CNTNAP5: variants seen among roughly 807,000 people sequenced by gnomAD.
The protein encoded by CNTNAP5 is contactin associated protein family member 5, also known as contactin-associated protein-like 5.
Under a neutral mutation model 150.2 loss-of-function variants are expected in CNTNAP5, and 72 were observed. The observed-to-expected ratio is 0.48, with a 90% CI of 0.40 to 0.58. CNTNAP5 has a LOEUF of 0.58. Among genes scored for constraint, CNTNAP5 ranks in the 20% least tolerant of loss-of-function variants. CNTNAP5 has a pLI of 0.00. For synonymous variants in CNTNAP5, 672 were observed against 619.8 expected, an observed-to-expected ratio of 1.08 and a Z score of -1.25; for missense variants, 1,636 against 1,626.2, an observed-to-expected ratio of 1.01 and a Z score of -0.10.
intron 13 of CNTNAP5, among the ~76,000 whole-genome samples, chr2:124,735,248 G>T (rs2105131530): frequency 6.6e-6 from 1 of 152,106 alleles, no homozygotes; most frequent in East Asian, 1.9e-4. Flanking sequence ...GATTCAAGTG[G>T]CCAGAGGCTA....
chr2:124,336,310 A>C (rs953935090), intron 3 of CNTNAP5, among the ~76,000 whole-genome samples: 2 of 152,208 alleles, frequency 1.3e-5, no homozygotes, highest in Admixed American at 1.3e-4. Context: ...AAAAGACTGG[A>C]AACTGAACAC....
At chr2:124,702,216 C>T (rs1410702119) in intron 13 of CNTNAP5, among the ~76,000 whole-genome samples, 4 of 151,826 alleles carry the variant, frequency 2.6e-5, no homozygotes, top group Non-Finnish European at 4.4e-5. Context: ...AAATGAGGAT[C>T]TTTATATGGA....
At chr2:124,907,316 G>C (rs1312547702) in intron 22 of CNTNAP5, among the ~76,000 whole-genome samples, 1 of 151,960 alleles carries the variant, frequency 6.6e-6, no homozygotes, top group Non-Finnish European at 1.5e-5. Flanking sequence ...AAATCATTAG[G>C]TGCAAGTGTA....
At chr2:124,041,932 C>T (rs1187378220) in intron 1 of CNTNAP5, among the ~76,000 whole-genome samples, 2 of 152,088 alleles carry the variant, frequency 1.3e-5, no homozygotes, top group Admixed American at 6.5e-5. Context: ...GGCCATCTCA[C>T]CTCACTGCAA....
intron 20 of CNTNAP5, among the ~76,000 whole-genome samples, chr2:124,867,703 A>T (rs1250217809): frequency 6.6e-6 from 1 of 152,094 alleles, no homozygotes; most frequent in Non-Finnish European, 1.5e-5. Flanking sequence ...TCTGCTTTTG[A>T]TCTACACTCA....
At chr2:124,500,942 CG>C (rs1558929254) in intron 7 of CNTNAP5, among the ~76,000 whole-genome samples, 1 of 152,066 alleles carries the variant, frequency 6.6e-6, no homozygotes, top group Non-Finnish European at 1.5e-5. Context: ...GAGGAGCCCA[CG>C]GTTCAACTGG....
intron 1 of CNTNAP5, among the ~76,000 whole-genome samples, chr2:124,069,330 A>C (rs1210116050): frequency 2.0e-5 from 3 of 152,126 alleles, no homozygotes; most frequent in Non-Finnish European, 4.4e-5. Flanking sequence ...AGTAGAATAG[A>C]ATACCAGGTA....
At chr2:124,193,318 C>T (rs7584334) in intron 1 of CNTNAP5, among the ~76,000 whole-genome samples, 31,021 of 152,136 alleles carry the variant, frequency 0.2, 3,350 homozygotes, top group African/African-American at 0.24. Context: ...ATAATTCAAC[C>T]CATAACCTAT....
At chr2:124,602,647 C>G (rs1018890128) in intron 11 of CNTNAP5, among the ~76,000 whole-genome samples, 1 of 152,024 alleles carries the variant, frequency 6.6e-6, no homozygotes, top group Non-Finnish European at 1.5e-5. Flanking sequence ...GCACAAGCTA[C>G]GCACCCAGCT....
intron 8 of CNTNAP5, among the ~76,000 whole-genome samples, chr2:124,516,021 G>C (rs1390655915): frequency 6.6e-6 from 1 of 152,072 alleles, no homozygotes; most frequent in Admixed American, 6.5e-5. Context: ...TGGGAAAAGA[G>C]GGGGACCACT....
intron 1 of CNTNAP5, among the ~76,000 whole-genome samples, chr2:124,214,970 G>A (rs1277365141): frequency 6.6e-6 from 1 of 152,098 alleles, no homozygotes; most frequent in East Asian, 1.9e-4. Flanking sequence ...ATCTTTTAGG[G>A]TTTCATCGTG....
intron 13 of CNTNAP5, among the ~76,000 whole-genome samples, chr2:124,735,968 C>T (rs1035318149): frequency 2.6e-5 from 4 of 152,216 alleles, no homozygotes; most frequent in East Asian, 1.9e-4. Context: ...CGGTGGCTCA[C>T]GCCTGTAATC....
intron 19 of CNTNAP5, among the ~76,000 whole-genome samples, chr2:124,828,934 T>C (rs1172541980): frequency 6.6e-6 from 1 of 151,796 alleles, no homozygotes; most frequent in Non-Finnish European, 1.5e-5. Flanking sequence ...GTTCAGTAAA[T>C]GCAAAATCAC....
At chr2:124,522,829 C>T (rs1395648871) in intron 8 of CNTNAP5, among the ~76,000 whole-genome samples, 2 of 152,188 alleles carry the variant, frequency 1.3e-5, no homozygotes, top group East Asian at 3.9e-4. Context: ...CCAAGAATTA[C>T]AAACTCTTGC....
chr2:124,501,533 T>C (rs897765638), intron 7 of CNTNAP5, among the ~76,000 whole-genome samples: 3 of 152,232 alleles, frequency 2.0e-5, no homozygotes, highest in African/African-American at 4.8e-5. Flanking sequence ...CTTTTCTAAA[T>C]GGCCGGTGGG....
At chr2:124,257,208 C>T (rs975677670) in intron 3 of CNTNAP5, among the ~76,000 whole-genome samples, 1 of 152,094 alleles carries the variant, frequency 6.6e-6, no homozygotes, top group African/African-American at 2.4e-5. Flanking sequence ...TTTGCAAATC[C>T]CCCAGTTTGT....
In CNTNAP5 at chr2:124,142,312, TC is replaced by T. The variant is rs1336415318; in HGVS notation, c.83-79391del. ...GACCTAATAGACATCTACAGAACTCTCCACCCCAAATCAACAGAATATACAT... is the reference window on the plus strand; with the variant it reads ...GACCTAATAGACATCTACAGAACTCTCACCCCAAATCAACAGAATATACAT... On this transcript the variant is annotated intron_variant, in intron 1 of 23. Transcript: ENST00000682447. 5.6e-3 allele frequency among the ~76,000 whole-genome samples: 782 copies of T among 139,352 alleles called. 6 individuals carry two copies. The highest frequency in any genetic ancestry group is 0.011 in the Middle Eastern group (3 of 266). 91.4% of individuals were successfully genotyped at this position (139,352 alleles called of 152,430 possible).
At chr2:124,560,415 A>C (rs1259110025) in intron 10 of CNTNAP5, among the ~76,000 whole-genome samples, 1 of 148,812 alleles carries the variant, frequency 6.7e-6, no homozygotes, top group Non-Finnish European at 1.5e-5. Context: ...GCTACTCGGG[A>C]GGCTGAGGCA....
At chr2:124,871,133 C>T (rs181153276) in intron 21 of CNTNAP5, among the ~76,000 whole-genome samples, 46 of 152,116 alleles carry the variant, frequency 3.0e-4, no homozygotes, top group Non-Finnish European at 4.9e-4. Context: ...TTAATATAGA[C>T]ACTAGTTTAT....
Sources: gnomAD v4.1 joint callset for allele counts (sites outside exome capture counted in the v4.1 genomes callset) on GRCh38, gnomAD v4.1.1 for gene constraint, MANE v1.5 for transcripts, NCBI Gene and HGNC (gene_info 2026-07-23, HGNC 2026-07-21) for gene names.